The following MAP2K5 variants were observed in gnomAD, a reference collection of about 807,000 sequenced individuals.
MAP2K5 encodes the protein mitogen-activated protein kinase kinase 5.
In MAP2K5, 49 loss-of-function variants were observed where a neutral mutation model predicts 83.1. That is an observed-to-expected ratio of 0.59 (90% CI 0.47 to 0.75). The LOEUF (loss-of-function observed/expected upper bound fraction) is 0.75, where lower values mean the gene tolerates loss of function less well. MAP2K5 is among the 30% of genes least tolerant of loss of function. MAP2K5 has a pLI of 0.00. For synonymous variants in MAP2K5, 202 were observed against 191.8 expected, an observed-to-expected ratio of 1.05 and a Z score of -0.44; for missense variants, 457 against 557.5, an observed-to-expected ratio of 0.82 and a Z score of 1.82.
intron 1 of MAP2K5, among the ~76,000 whole-genome samples, chr15:67,548,069 G>A (rs577553691): frequency 6.6e-6 from 1 of 152,192 alleles, no homozygotes; most frequent in Non-Finnish European, 1.5e-5. Context: ...GCAGTGCCTT[G>A]TTTATGTCGA....
At position 67,543,708 on chromosome 15, in the gene MAP2K5, T is replaced by A. The variant is rs2084340519; in HGVS notation, c.135+238T>A. Among the ~76,000 whole-genome samples the A allele has an allele frequency of 6.6e-6, 1 of 152,172 alleles. No homozygotes were observed. The highest frequency in any genetic ancestry group is 2.4e-5 in the African/African-American group (1 of 41,442). Reference sequence around the variant, plus strand: ...TGAACCCCTGCCCTCAGAGAGCTCATGGCCCGGGCTGGGACACACATATAG... The same window carrying A: ...TGAACCCCTGCCCTCAGAGAGCTCAAGGCCCGGGCTGGGACACACATATAG... On this transcript the variant is annotated intron_variant, in intron 1 of 21. Transcript: ENST00000178640. This position sits in a 1 kb window ranked among gnomAD's most constrained non-coding sequence, Gnocchi z 4.3.
At position 67,778,462 on chromosome 15, in the gene MAP2K5, A is replaced by C. The variant is rs2090274843; in HGVS notation, c.1242+5710A>C. On this transcript the variant is annotated intron_variant, in intron 21 of 21. Coordinates refer to ENST00000178640, the MANE Select transcript of MAP2K5 (RefSeq NM_145160.3). The surrounding 1 kb of genome is among the most constrained non-coding windows in gnomAD (Gnocchi z 5.0). ...CTGATCACTGTGAAAGACAAAATGC[A>C]CTGGACAATTAAGAAGATGATTTTA... 6.6e-6 allele frequency among the ~76,000 whole-genome samples: 1 copy of C among 152,222 alleles called. No individual in the cohort carries two copies. The highest frequency in any genetic ancestry group is 2.4e-5 in the African/African-American group (1 of 41,444).
intron 6 of MAP2K5, among the ~76,000 whole-genome samples, chr15:67,589,481 C>G (rs2085352614): frequency 6.6e-6 from 1 of 152,184 alleles, no homozygotes; most frequent in Non-Finnish European, 1.5e-5. Flanking sequence ...AACTACTTAG[C>G]TTTCTCCTTC....
chr15:67,654,070 A>G (rs1256087631), intron 11 of MAP2K5, among the ~76,000 whole-genome samples: 1 of 152,048 alleles, frequency 6.6e-6, no homozygotes, highest in Non-Finnish European at 1.5e-5. Flanking sequence ...AATACTGTTC[A>G]GTATTTTCTT....
chr15:67,714,448 A>ACC (rs2088782445), intron 16 of MAP2K5, among the ~76,000 whole-genome samples: 2 of 108,148 alleles, frequency 1.8e-5, no homozygotes, highest in Admixed American at 1.1e-4. Flanking sequence ...AAAAAAAAAA[A>ACC]AAAAAAACCA....
intron 21 of MAP2K5, among the ~76,000 whole-genome samples, chr15:67,796,418 T>G (rs2090605290): frequency 6.6e-6 from 1 of 152,132 alleles, no homozygotes; most frequent in African/African-American, 2.4e-5. Flanking sequence ...AAGTTTAAAA[T>G]CATGGCAGAA....
Position 67,550,361 on chromosome 15 carries a change from C to T in MAP2K5, c.184+279C>T, listed in dbSNP as rs114176871. Among the ~76,000 whole-genome samples the T allele has an allele frequency of 3.6e-3, 541 of 152,300 alleles. 8 individuals carry two copies. The highest frequency in any genetic ancestry group is 0.012 in the African/African-American group (510 of 41,562). ...CTTGCTCCTGATTGTGATAATATTG[C>T]AGGACAAAATGAAACGTGTAAACTA... On this transcript the variant is annotated intron_variant, in intron 2 of 21. Transcript: ENST00000178640.
chr15:67,612,096 G>C, intron 8 of MAP2K5, among the ~76,000 whole-genome samples: 1 of 124,430 alleles, frequency 8.0e-6, no homozygotes, highest in Admixed American at 8.9e-5. Flanking sequence ...TTTTTTCACT[G>C]CCATGATTTT....
intron 7 of MAP2K5, among the ~76,000 whole-genome samples, chr15:67,595,969 A>C (rs1300203518): frequency 5.2e-5 from 5 of 96,054 alleles, no homozygotes; most frequent in Non-Finnish European, 1.2e-4. Flanking sequence ...CTCTAAAGTT[A>C]TTTTTTCTTT....
intron 16 of MAP2K5, among the ~76,000 whole-genome samples, chr15:67,709,533 T>C (rs1414080355): frequency 6.6e-6 from 1 of 151,820 alleles, no homozygotes; most frequent in African/African-American, 2.4e-5. Flanking sequence ...GAGTTTGTTA[T>C]ATAATAAGGG....
In MAP2K5 at chr15:67,777,119, A is replaced by G. The variant is rs929321179; in HGVS notation, c.1242+4367A>G. Among the ~76,000 whole-genome samples, 15 of 152,108 alleles carry G rather than the reference A, an allele frequency of 9.9e-5. No individual in the cohort carries two copies. The highest frequency in any genetic ancestry group is 3.6e-4 in the African/African-American group (15 of 41,422). On this transcript the variant is annotated intron_variant, in intron 21 of 21. Coordinates refer to ENST00000178640, the MANE Select transcript of MAP2K5 (RefSeq NM_145160.3). The surrounding 1 kb of genome is among the most constrained non-coding windows in gnomAD (Gnocchi z 6.0). ...AGTTACTTGGCCAGGAGCTGACTGT[A>G]GGGAGGGAAGTGTTCACTCAGCGGG...
At chr15:67,628,456 G>C in intron 8 of MAP2K5, 1 of 572,802 alleles carries the variant, frequency 1.7e-6, no homozygotes, top group Non-Finnish European at 3.0e-6. Flanking sequence ...CTCCAGCCTG[G>C]GCGACAGAGC....
chr15:67,544,595 G>C (rs781692737), intron 1 of MAP2K5, among the ~76,000 whole-genome samples: 10 of 152,134 alleles, frequency 6.6e-5, no homozygotes, highest in Non-Finnish European at 1.0e-4. Context: ...TAATCTTTCT[G>C]GTATTCATTT....
At chr15:67,635,925 T>C (rs1256993146) in intron 9 of MAP2K5, among the ~76,000 whole-genome samples, 5 of 152,232 alleles carry the variant, frequency 3.3e-5, no homozygotes, top group African/African-American at 9.6e-5. Flanking sequence ...TTTACATCTT[T>C]AATGTCTCTA....
intron 3 of MAP2K5, among the ~76,000 whole-genome samples, chr15:67,566,343 T>C (rs1421269723): frequency 6.6e-6 from 1 of 151,978 alleles, no homozygotes; most frequent in African/African-American, 2.4e-5. Context: ...CACGGCTAAT[T>C]TTTGTACTTT....
chr15:67,658,210 G>A (rs2087137570), intron 11 of MAP2K5, among the ~76,000 whole-genome samples: 1 of 152,032 alleles, frequency 6.6e-6, no homozygotes, highest in South Asian at 2.1e-4. Flanking sequence ...TGTTACAAAA[G>A]ACAGGCAACT....
chr15:67,671,447 C>A (rs1218619184), intron 13 of MAP2K5, among the ~76,000 whole-genome samples: 1 of 151,968 alleles, frequency 6.6e-6, no homozygotes, highest in African/African-American at 2.4e-5. Context: ...AAGTATAAAA[C>A]AAATAATTGA....
intron 13 of MAP2K5, chr15:67,670,330 C>T (rs774611630): frequency 2.2e-6 from 1 of 447,692 alleles, no homozygotes; most frequent in Non-Finnish European, 4.5e-6. Flanking sequence ...GAGGAGTTGA[C>T]TGTAAAGGCA....
intron 13 of MAP2K5, among the ~76,000 whole-genome samples, chr15:67,691,859 CAA>C (rs2088122409): frequency 6.6e-6 from 1 of 152,134 alleles, no homozygotes; most frequent in African/African-American, 2.4e-5. Flanking sequence ...ATAAATGAAA[CAA>C]AGACTAATAA....
Sources: gnomAD v4.1 joint callset for allele counts (sites outside exome capture counted in the v4.1 genomes callset) on GRCh38, gnomAD v4.1.1 for gene constraint, Gnocchi (gnomAD v3.1) non-coding constraint, MANE v1.5 for transcripts, NCBI Gene and HGNC (gene_info 2026-07-23, HGNC 2026-07-21) for gene names.